Variants in TNS3 observed in about 807,000 individuals in gnomAD.
TNS3 encodes the protein tensin-3.
Under a neutral mutation model 140.9 loss-of-function variants are expected in TNS3, and 45 were observed. The observed-to-expected ratio is 0.32, with a 90% CI of 0.25 to 0.41. The LOEUF is 0.41. TNS3 is among the 10% of genes least tolerant of loss of function. The pLI is 1.00. For missense variants in TNS3, 1,716 were observed against 1,906.7 expected (o/e 0.90, Z 1.86); for synonymous variants, 815 against 788.4 (o/e 1.03, Z -0.56).
chr7:47,338,253 T>C (rs1788744352), intron 20 of TNS3, among the ~76,000 whole-genome samples: 2 of 152,172 alleles, frequency 1.3e-5, no homozygotes, highest in African/African-American at 4.8e-5. Flanking sequence ...GGTTTTTCAT[T>C]TTTAAGAAAT....
chr7:47,317,417 T>C (rs573256558), intron 20 of TNS3, among the ~76,000 whole-genome samples: 84 of 152,364 alleles, frequency 5.5e-4, no homozygotes, highest in African/African-American at 1.8e-3. Context: ...TCTTTGAAGA[T>C]GTCCCATTTA....
At chr7:47,409,682 G>C (rs1397479078) in intron 13 of TNS3, among the ~76,000 whole-genome samples, 1 of 149,802 alleles carries the variant, frequency 6.7e-6, no homozygotes, top group Non-Finnish European at 1.5e-5. Context: ...CTCTGAGACG[G>C]AGTCTCGCTC....
intron 1 of TNS3, among the ~76,000 whole-genome samples, chr7:47,569,347 G>A (rs7810329): frequency 9.6e-4 from 141 of 147,640 alleles, no homozygotes; most frequent in African/African-American, 3.1e-3. Context: ...GTTCCAGACC[G>A]GCCTGGCCAA....
At chr7:47,470,117 G>A (rs1296676752) in intron 4 of TNS3, among the ~76,000 whole-genome samples, 3 of 151,810 alleles carry the variant, frequency 2.0e-5, no homozygotes, top group Non-Finnish European at 4.4e-5. Flanking sequence ...CACAGGAACA[G>A]AAAACAAAAC....
At chr7:47,391,613 C>T (rs1022275774) in intron 16 of TNS3, among the ~76,000 whole-genome samples, 1 of 152,216 alleles carries the variant, frequency 6.6e-6, no homozygotes, top group Non-Finnish European at 1.5e-5. Context: ...ATGAGATGTT[C>T]TCCATAGGGC....
intron 2 of TNS3, among the ~76,000 whole-genome samples, chr7:47,525,498 T>C (rs1799159523): frequency 6.6e-6 from 1 of 152,228 alleles, no homozygotes. Context: ...TTCCCTCTCT[T>C]CTCTTTCAAG....
intron 4 of TNS3, among the ~76,000 whole-genome samples, chr7:47,461,997 C>A (rs1796510433): frequency 6.6e-6 from 1 of 152,178 alleles, no homozygotes; most frequent in Non-Finnish European, 1.5e-5. Context: ...GGACAGGGAA[C>A]CCCAGACCCT....
intron 8 of TNS3, among the ~76,000 whole-genome samples, chr7:47,431,348 G>C (rs201810461): frequency 1.3e-5 from 2 of 151,906 alleles, no homozygotes; most frequent in African/African-American, 4.8e-5. Context: ...TAATCCCAGC[G>C]CTTTGGGAGG....
At chr7:47,318,490 T>C (rs1042370272) in intron 20 of TNS3, among the ~76,000 whole-genome samples, 3 of 152,028 alleles carry the variant, frequency 2.0e-5, no homozygotes, top group African/African-American at 7.2e-5. Context: ...TCCAGTCCAG[T>C]GGGAGTGCAA....
chr7:47,427,189 G>A (rs1351021807), intron 9 of TNS3, among the ~76,000 whole-genome samples: 1 of 149,624 alleles, frequency 6.7e-6, no homozygotes, highest in African/African-American at 2.5e-5. Context: ...GCCAGGCTAT[G>A]TTTAGTCACC....
chr7:47,322,019 G>A (rs1013986602), intron 20 of TNS3, among the ~76,000 whole-genome samples: 11 of 152,106 alleles, frequency 7.2e-5, no homozygotes, highest in African/African-American at 2.4e-4. Flanking sequence ...CTGGAAGGAG[G>A]AGTCTCATTG....
chr7:47,389,063 GAAGAAGAAGAA>G lies in TNS3; in HGVS notation c.1024+7726_1024+7736del, dbSNP rs1562674960. On this transcript the variant is annotated intron_variant, in intron 16 of 30. Transcript: ENST00000311160. ...AGAAGAAGAAGAAGAAGAAGAAGAA[GAAGAAGAAGAA>G]GAAGAAGAAGAGGAAGAGGAAGAGG... Among the ~76,000 whole-genome samples, 10 of 73,304 alleles carry G rather than the reference GAAGAAGAAGAA, an allele frequency of 1.4e-4. 1 individual carries two copies. The highest frequency in any genetic ancestry group is 3.3e-4 in the Admixed American group (2 of 6,066). 48.1% of individuals were successfully genotyped at this position (73,304 alleles called of 152,430 possible).
At chr7:47,470,683 T>G in intron 4 of TNS3, 1 of 984,078 alleles carries the variant, frequency 1.0e-6, no homozygotes, top group Non-Finnish European at 1.2e-6. Context: ...GGGAATCCAG[T>G]GTCTGTGAGC....
chr7:47,552,958 A>G (rs969705294), intron 1 of TNS3, among the ~76,000 whole-genome samples: 2 of 152,244 alleles, frequency 1.3e-5, no homozygotes, highest in African/African-American at 4.8e-5. Context: ...AAGAAAGCAA[A>G]ACAGCCTTTT....
intron 3 of TNS3, among the ~76,000 whole-genome samples, chr7:47,485,415 G>A (rs1429602593): frequency 6.6e-6 from 1 of 152,210 alleles, no homozygotes; most frequent in Non-Finnish European, 1.5e-5. Flanking sequence ...CCAGCCACGG[G>A]AACTCTCCCA....
chr7:47,353,186 G>A (rs1285253821), intron 17 of TNS3, among the ~76,000 whole-genome samples: 2 of 152,198 alleles, frequency 1.3e-5, no homozygotes, highest in African/African-American at 2.4e-5. Context: ...GCAGCCAGCT[G>A]TCCCAGGTGG....
intron 1 of TNS3, among the ~76,000 whole-genome samples, chr7:47,532,452 C>G (rs1009621975): frequency 1.3e-5 from 2 of 152,142 alleles, no homozygotes; most frequent in Admixed American, 1.3e-4. Context: ...ACCAGCTGCA[C>G]AGAGGAGCTA....
upstream of TNS3, chr7:47,582,577 G>A: frequency 2.3e-6 from 1 of 431,454 alleles, no homozygotes; most frequent in Non-Finnish European, 4.7e-6. Context: ...AAGGAGCACA[G>A]CCGCTCCGGA....
chr7:47,294,162 T>A (rs1327769441), intron 24 of TNS3, among the ~76,000 whole-genome samples: 1 of 150,042 alleles, frequency 6.7e-6, no homozygotes, highest in African/African-American at 2.5e-5. Context: ...AGAAAGAGGA[T>A]CATGAATCTC....
Sources: allele counts gnomAD v4.1 joint callset (sites outside exome capture counted in the v4.1 genomes callset), GRCh38; gene constraint gnomAD v4.1.1; transcripts MANE v1.5; gene names NCBI Gene and HGNC (gene_info 2026-07-23, HGNC 2026-07-21).